Variants in NLK observed in about 807,000 individuals in gnomAD.
The protein encoded by NLK is nemo like kinase, also known as serine/threonine-protein kinase NLK.
In NLK, 11 loss-of-function variants were observed where a neutral mutation model predicts 59.0. The observed-to-expected ratio is 0.19, with a 90% CI of 0.12 to 0.31. The LOEUF (loss-of-function observed/expected upper bound fraction) is 0.31, where lower values mean the gene tolerates loss of function less well. NLK is among the 10% of genes least tolerant of loss of function. The pLI is 1.00. For missense variants in NLK, 410 were observed against 661.1 expected (o/e 0.62, Z 4.16); for synonymous variants, 235 against 235.9 (o/e 1.00, Z 0.03).
At chr17:28,158,762 T>G (rs1269884774) in intron 3 of NLK, among the ~76,000 whole-genome samples, 5 of 152,140 alleles carry the variant, frequency 3.3e-5, no homozygotes, top group African/African-American at 1.2e-4. Flanking sequence ...CCTCAATAAC[T>G]GCTAGGACTA....
Position 28,054,560 on chromosome 17 carries a change from TATA to T in NLK, c.458+11233_458+11235del, listed in dbSNP as rs1202775944. Among the ~76,000 whole-genome samples, 8 of 152,244 alleles carry T rather than the reference TATA, an allele frequency of 5.3e-5. No individual in the cohort carries two copies. In the East Asian group the frequency reaches 1.5e-3, roughly 29 times the overall value. On this transcript the variant is annotated intron_variant, in intron 1 of 10. Transcript: ENST00000407008. ...TAATGTTACTTAATTTCTCAGATGT[TATA>T]ATATTCACTTAGTGATATATACAGG...
At chr17:28,072,736 A>C (rs1291436721) in intron 1 of NLK, among the ~76,000 whole-genome samples, 1 of 152,200 alleles carries the variant, frequency 6.6e-6, no homozygotes, top group African/African-American at 2.4e-5. Flanking sequence ...AAATTTTAGT[A>C]TGCATGTTTA....
In NLK at chr17:28,070,121, A is replaced by C. The variant is rs531691760; in HGVS notation, c.458+26790A>C. On this transcript the variant is annotated intron_variant, in intron 1 of 10. Coordinates refer to ENST00000407008, the MANE Select transcript of NLK (RefSeq NM_016231.5). ...CATAGTGGCCTATGCCTGTAATCCC[A>C]GCTACTCAGGAGGCTGAGGCATGAG... Among the ~76,000 whole-genome samples, 326 of 151,880 alleles carry C rather than the reference A, an allele frequency of 2.1e-3. 1 individual carries two copies. Among genetic ancestry groups the C allele is most frequent in the African/African-American group, 7.2e-3 (297 of 41,474 alleles).
At chr17:28,150,546 T>TA (rs1034111720) in intron 3 of NLK, among the ~76,000 whole-genome samples, 1 of 152,170 alleles carries the variant, frequency 6.6e-6, no homozygotes, top group South Asian at 2.1e-4. Context: ...GAGAAAGCAG[T>TA]AAAAAAGCTT....
intron 2 of NLK, among the ~76,000 whole-genome samples, chr17:28,127,224 A>ATC (rs915665756): frequency 6.6e-6 from 1 of 152,142 alleles, no homozygotes; most frequent in African/African-American, 2.4e-5. Context: ...AACTTCTGTG[A>ATC]TCTCTCTCTT....
intron 7 of NLK, among the ~76,000 whole-genome samples, chr17:28,173,327 T>C (rs917903341): frequency 6.6e-6 from 1 of 152,150 alleles, no homozygotes; most frequent in African/African-American, 2.4e-5. Flanking sequence ...GCAACAAATT[T>C]TCCTGAGTTT....
chr17:28,123,978 A>C (rs1352394759), intron 2 of NLK, among the ~76,000 whole-genome samples: 1 of 152,208 alleles, frequency 6.6e-6, no homozygotes, highest in Non-Finnish European at 1.5e-5. Context: ...GCTTATTTGC[A>C]CAAAAAACTC....
At chr17:28,160,387 G>A (rs1336812609) in intron 3 of NLK, among the ~76,000 whole-genome samples, 2 of 152,126 alleles carry the variant, frequency 1.3e-5, no homozygotes, top group South Asian at 4.1e-4. Flanking sequence ...ATTGCCTTAA[G>A]AAAACTTAAT....
chr17:28,148,479 T>C (rs1287442649), intron 3 of NLK, among the ~76,000 whole-genome samples: 1 of 152,178 alleles, frequency 6.6e-6, no homozygotes, highest in Non-Finnish European at 1.5e-5. Context: ...GTAAAATACT[T>C]GAAGGAAGTG....
the NLK span, among the ~76,000 whole-genome samples, chr17:28,204,127 T>C: frequency 2.0e-5 from 3 of 152,190 alleles, no homozygotes; most frequent in African/African-American, 7.2e-5. Context: ...CACAATTATA[T>C]GAAGTAGGTA....
chr17:28,091,199 T>G (rs957969687), intron 1 of NLK, among the ~76,000 whole-genome samples: 1 of 152,150 alleles, frequency 6.6e-6, no homozygotes, highest in African/African-American at 2.4e-5. Flanking sequence ...GAGCCATTTA[T>G]GTAAATTTTA....
At chr17:28,166,583 T>C (rs1567734202) in intron 5 of NLK, among the ~76,000 whole-genome samples, 1 of 152,216 alleles carries the variant, frequency 6.6e-6, no homozygotes, top group Admixed American at 6.5e-5. Context: ...TATTGTGACT[T>C]GTAAAGTTAA....
intron 3 of NLK, among the ~76,000 whole-genome samples, chr17:28,153,544 C>G (rs34601645): frequency 1.3e-5 from 2 of 152,208 alleles, no homozygotes; most frequent in Non-Finnish European, 2.9e-5. Flanking sequence ...CTAATCACCT[C>G]CCAAAGGTCC....
intron 1 of NLK, among the ~76,000 whole-genome samples, chr17:28,075,200 T>C (rs536379506): frequency 1.3e-5 from 2 of 152,332 alleles, no homozygotes; most frequent in East Asian, 3.9e-4. Context: ...AGAAACAGAC[T>C]CAGCATTCAG....
chr17:28,121,632 G>T (rs1238713820), intron 1 of NLK, among the ~76,000 whole-genome samples: 1 of 148,490 alleles, frequency 6.7e-6, no homozygotes, highest in Non-Finnish European at 1.5e-5. Context: ...CTCCCAAGTA[G>T]CTGGGATTAC....
At chr17:28,199,665 CAAAAAA>C (rs1303411168), downstream of NLK, among the ~76,000 whole-genome samples, 8 of 33,576 alleles carry the variant, frequency 2.4e-4, no homozygotes, top group African/African-American at 9.1e-4. Flanking sequence ...GACTCTGTCT[CAAAAAA>C]AAAAAAAAAA....
chr17:28,194,225 G>A (rs1909406364), intron 10 of NLK, among the ~76,000 whole-genome samples: 1 of 152,146 alleles, frequency 6.6e-6, no homozygotes, highest in South Asian at 2.1e-4. Context: ...TTTGAAGTAG[G>A]CACTGTGGAA....
At chr17:28,132,284 G>A (rs1214525885) in intron 2 of NLK, among the ~76,000 whole-genome samples, 3 of 152,176 alleles carry the variant, frequency 2.0e-5, no homozygotes, top group Admixed American at 2.0e-4. Context: ...GAGGAATAAA[G>A]GAATGAATGA....
Position 28,043,142 on chromosome 17 carries a change from A to G in NLK, c.269A>G (p.Gln90Arg). ...GCAGCCATGTTAAACCCTGGGCAACAACAGCCATATTTCCCATCACCGGCA... is the reference window on the plus strand; with the variant it reads ...GCAGCCATGTTAAACCCTGGGCAACGACAGCCATATTTCCCATCACCGGCA... Reference protein sequence around the residue: ...AAAAMLNPGQQQPYFPSPAPG... With the variant: ...AAAAMLNPGQRQPYFPSPAPG... Residue 90 changes from glutamine (Q) to arginine (R), a missense_variant, in exon 1 of 11, where the codon CAA becomes CGA. Coordinates refer to ENST00000407008, the MANE Select transcript of NLK (RefSeq NM_016231.5). 3.1e-6 allele frequency: 5 copies of G among 1,612,544 alleles called. No individual in the cohort carries two copies. The highest frequency in any genetic ancestry group is 4.2e-6 in the Non-Finnish European group (5 of 1,179,250).
Sources: allele counts gnomAD v4.1 joint callset (sites outside exome capture counted in the v4.1 genomes callset), GRCh38; gene constraint gnomAD v4.1.1; transcripts MANE v1.5; gene names NCBI Gene and HGNC (gene_info 2026-07-23, HGNC 2026-07-21).